PMEPA1: variants seen among roughly 807,000 people sequenced by gnomAD.
PMEPA1 encodes prostate transmembrane protein, androgen induced 1.
PMEPA1 carries 11 observed loss-of-function variants against 23.0 expected under a neutral mutation model. The observed-to-expected ratio is 0.48, with a 90% CI of 0.30 to 0.79. The LOEUF is 0.79. Ranked by LOEUF, PMEPA1 falls within the 30% of genes least tolerant of loss-of-function variation. The pLI, the probability that PMEPA1 is intolerant of heterozygous loss-of-function variation, is 0.06. For synonymous variants in PMEPA1, 204 were observed against 166.4 expected, an observed-to-expected ratio of 1.23 and a Z score of -1.74; for missense variants, 377 against 390.9, an observed-to-expected ratio of 0.96 and a Z score of 0.30.
At chr20:57,709,423 A>T in intron 1 of PMEPA1, 51 bp downstream of exon 1, 2 of 1,049,220 alleles carry the variant, frequency 1.9e-6, no homozygotes, top group Non-Finnish European at 1.2e-6. Flanking sequence ...GCCCCGACAT[A>T]GGGTCCGAGC....
At chr20:57,688,047 G>T (rs1171094916) in intron 1 of PMEPA1, among the ~76,000 whole-genome samples, 2 of 152,162 alleles carry the variant, frequency 1.3e-5, no homozygotes, top group East Asian at 1.9e-4. Context: ...GGTGGTTCAG[G>T]CCTCTCTGCT....
intron 1 of PMEPA1, among the ~76,000 whole-genome samples, chr20:57,680,059 G>C (rs955544878): frequency 6.6e-6 from 1 of 152,212 alleles, no homozygotes; most frequent in Non-Finnish European, 1.5e-5. Flanking sequence ...GGTGAGCCTA[G>C]CTTGTGGCAT....
intron 1 of PMEPA1, among the ~76,000 whole-genome samples, chr20:57,687,925 C>A (rs1406774478): frequency 2.0e-5 from 3 of 151,922 alleles, no homozygotes; most frequent in African/African-American, 7.3e-5. Flanking sequence ...GTTCCCTGTC[C>A]AGGGAAGTAA....
In PMEPA1 at chr20:57,651,377, C is replaced by CA. The variant is rs1241444153; in HGVS notation, c.*675dup. ...TTCCGACATTTCTCCCTTAAAGTCT[C>CA]AACAGACACAAGAGAAGTTTCCATC... On this transcript the variant is annotated 3_prime_UTR_variant, in exon 4 of 4. Transcript: ENST00000341744. 1 of 152,670 alleles carries CA rather than the reference C, an allele frequency of 6.6e-6. No homozygotes were observed. The highest frequency in any genetic ancestry group is 1.5e-5 in the Non-Finnish European group (1 of 68,042). 9.5% of individuals were successfully genotyped at this position (152,670 alleles called of 1,614,324 possible). A position where few individuals can be genotyped will look rare whatever the true frequency, so the allele number is the denominator to read the frequency against.
intron 1 of PMEPA1, among the ~76,000 whole-genome samples, chr20:57,697,385 A>T (rs1412882669): frequency 6.6e-6 from 1 of 152,232 alleles, no homozygotes; most frequent in Non-Finnish European, 1.5e-5. Context: ...TGTTATGGGC[A>T]GCAAGTAGGG....
In PMEPA1 at chr20:57,709,628, G is replaced by GCCGGGGGGGGCTCCGGCCGGCGC; in HGVS notation, c.-69_-47dup. ...GCGGGGCGCGGGGGGCTCGGGGGCG[G>GCCGGGGGGGGCTCCGGCCGGCGC]CCGGGGGGGGCTCCGGCCGGCGCCC... is the stretch of plus-strand genomic sequence containing the variant. On this transcript the variant is annotated 5_prime_UTR_variant, in exon 1 of 4. Transcript: ENST00000341744. The GCCGGGGGGGGCTCCGGCCGGCGC allele has an allele frequency of 1.3e-6, 1 of 766,634 alleles. No homozygotes were observed. The allele number at this position is 766,634 out of a possible 1,614,324, so 47.5% of individuals were successfully genotyped here. A position where few individuals can be genotyped will look rare whatever the true frequency, so the allele number is the denominator to read the frequency against.
chr20:57,665,653 C>T (rs2071482513), intron 1 of PMEPA1, among the ~76,000 whole-genome samples: 1 of 152,198 alleles, frequency 6.6e-6, no homozygotes, highest in African/African-American at 2.4e-5. Context: ...ATCCCTCGTT[C>T]CCCTGATGGT....
intron 1 of PMEPA1, among the ~76,000 whole-genome samples, chr20:57,666,053 C>T (rs138611519): frequency 3.0e-4 from 46 of 152,190 alleles, no homozygotes; most frequent in Middle Eastern, 3.4e-3. Context: ...CGTAATTTTT[C>T]CCTTGGGGAG....
chr20:57,681,728 C>A (rs1007978284), intron 1 of PMEPA1, among the ~76,000 whole-genome samples: 7 of 152,120 alleles, frequency 4.6e-5, no homozygotes, highest in Non-Finnish European at 7.4e-5. Flanking sequence ...GCTTTAGTCA[C>A]CCCCTCATTT....
At chr20:57,686,976 AG>A (rs2146690911) in intron 1 of PMEPA1, among the ~76,000 whole-genome samples, 1 of 152,386 alleles carries the variant, frequency 6.6e-6, no homozygotes, top group South Asian at 2.1e-4. Context: ...GCTATGTCAG[AG>A]GACTGCAGAG....
In PMEPA1 at chr20:57,685,366, C is replaced by T. The variant is rs551154359; in HGVS notation, c.109+24108G>A. 4.6e-5 allele frequency among the ~76,000 whole-genome samples: 7 copies of T among 152,142 alleles called. No homozygotes were observed. The East Asian group carries it at 1.3e-3, about 29-fold the overall frequency. On this transcript the variant is annotated intron_variant, in intron 1 of 3. Coordinates refer to ENST00000341744, the MANE Select transcript of PMEPA1 (RefSeq NM_020182.5). Reference sequence around the variant, plus strand: ...TTTTGAAATCCCGCTTTAAATAAGCCGGTAAATGAATTCAACCTTGTCAGA... The same window carrying T: ...TTTTGAAATCCCGCTTTAAATAAGCTGGTAAATGAATTCAACCTTGTCAGA...
At chr20:57,659,505 G>A (rs781256648) in intron 2 of PMEPA1, 38 bp downstream of exon 2, 9 of 1,599,824 alleles carry the variant, frequency 5.6e-6, no homozygotes, top group South Asian at 1.1e-5. Context: ...TCCCACTGCC[G>A]CACCCTCAGG....
At chr20:57,692,247 A>G (rs1323156252) in intron 1 of PMEPA1, among the ~76,000 whole-genome samples, 1 of 152,246 alleles carries the variant, frequency 6.6e-6, no homozygotes, top group African/African-American at 2.4e-5. Flanking sequence ...AGAGGCTCAT[A>G]GAGGAGACGC....
intron 1 of PMEPA1, among the ~76,000 whole-genome samples, chr20:57,708,545 T>G (rs2072119143): frequency 6.6e-6 from 1 of 152,182 alleles, no homozygotes. Flanking sequence ...GTTGGTCCAC[T>G]GATCCCTTAT....
chr20:57,652,661 T>C lies in PMEPA1; in HGVS notation c.319-63A>G. On this transcript the variant is annotated intron_variant, in intron 3 of 3. Transcript: ENST00000341744. The surrounding 1 kb of genome is among the most constrained non-coding windows in gnomAD (Gnocchi z 6.1). ...TCTCAGGTGGGTTGTCCAGAAGCGA[T>C]CCTGAGACTGGAGTTCTGCTGCATG... The C allele has an allele frequency of 7.7e-7, 1 of 1,294,494 alleles. No homozygotes were observed. The highest frequency in any genetic ancestry group is 2.9e-5 in the Admixed American group (1 of 34,652). 80.2% of individuals were successfully genotyped at this position (1,294,494 alleles called of 1,614,324 possible).
intron 1 of PMEPA1, among the ~76,000 whole-genome samples, chr20:57,707,563 G>A (rs2072106484): frequency 6.6e-6 from 1 of 152,040 alleles, no homozygotes; most frequent in African/African-American, 2.4e-5. Context: ...GCGGCGGCAA[G>A]GCATTTAACA....
chr20:57,655,933 C>A lies in PMEPA1; in HGVS notation c.265-2847G>T, dbSNP rs1600773060. Among the ~76,000 whole-genome samples the A allele has an allele frequency of 6.6e-6, 1 of 152,074 alleles. No individual in the cohort carries two copies. Among genetic ancestry groups the A allele is most frequent in the East Asian group, 2.0e-4 (1 of 5,086 alleles). On this transcript the variant is annotated intron_variant, in intron 2 of 3. Transcript: ENST00000341744. This position sits in a 1 kb window ranked among gnomAD's most constrained non-coding sequence, Gnocchi z 4.2. ...GCTATGGGCAAAACGCACTCGAAAA[C>A]ACTTCATTCACACTCAGAAAAGACC...
chr20:57,659,335 G>A (rs1262549391), intron 2 of PMEPA1, among the ~76,000 whole-genome samples: 3 of 152,176 alleles, frequency 2.0e-5, no homozygotes, highest in Non-Finnish European at 2.9e-5. Context: ...CATTCCCCAC[G>A]TTCCTCCAGC....
rs2071236070 is a variant in PMEPA1 at position 57,651,900 on chromosome 20, A to G, written c.*153T>C. The G allele has an allele frequency of 4.0e-6, 2 of 494,680 alleles. No homozygotes were observed. 30.6% of individuals were successfully genotyped at this position (494,680 alleles called of 1,614,324 possible). ...CTTAGCTTGTGCATTCAGACCAGAC[A>G]TCACATGTAAATATTTATACACAGG... is the stretch of plus-strand genomic sequence containing the variant. On this transcript the variant is annotated 3_prime_UTR_variant, in exon 4 of 4. Transcript: ENST00000341744.
Sources: allele counts gnomAD v4.1 joint callset (sites outside exome capture counted in the v4.1 genomes callset), GRCh38; gene constraint gnomAD v4.1.1; non-coding constraint Gnocchi (gnomAD v3.1); transcripts MANE v1.5; gene names NCBI Gene and HGNC (gene_info 2026-07-23, HGNC 2026-07-21).